Variants in FARS2 observed in about 807,000 individuals in gnomAD.
FARS2 encodes phenylalanine--tRNA ligase, mitochondrial.
FARS2 carries 40 observed loss-of-function variants against 46.4 expected under a neutral mutation model. The ratio of observed to expected loss-of-function variants is 0.86; its 90% confidence interval spans 0.67 to 1.12. FARS2 has a LOEUF of 1.12. Among genes scored for constraint, FARS2 ranks in the 50% most tolerant of loss-of-function variants. The pLI, the probability that FARS2 is intolerant of heterozygous loss-of-function variation, is 0.00. For missense variants in FARS2, 513 were observed against 567.9 expected (o/e 0.90, Z 0.98); for synonymous variants, 234 against 214.9 (o/e 1.09, Z -0.78).
Position 5,473,554 on chromosome 6 carries a change from A to AAC in FARS2, c.904+42383_904+42384insCA, listed in dbSNP as rs1372128463. ...AAAACAAAAAAAAAAACAAAAAAAA[A>AAC]AAACAAAAGAATACCCTGCTCCTGA... is the stretch of plus-strand genomic sequence containing the variant. On this transcript the variant is annotated intron_variant, in intron 4 of 6. Coordinates refer to ENST00000274680, the MANE Select transcript of FARS2 (RefSeq NM_006567.5). Among the ~76,000 whole-genome samples the AAC allele has an allele frequency of 4.7e-5, 7 of 150,194 alleles. 1 individual carries two copies. Among genetic ancestry groups the AAC allele is most frequent in the South Asian group, 4.3e-4 (2 of 4,698 alleles).
intron 2 of FARS2, among the ~76,000 whole-genome samples, chr6:5,400,256 A>G (rs1346954028): frequency 1.3e-5 from 2 of 151,836 alleles, no homozygotes; most frequent in Non-Finnish European, 2.9e-5. Flanking sequence ...TCATTTTCAT[A>G]TCTTTTTTTT....
intron 6 of FARS2, among the ~76,000 whole-genome samples, chr6:5,641,217 A>C (rs1414027361): frequency 2.0e-5 from 3 of 152,168 alleles, no homozygotes; most frequent in Non-Finnish European, 2.9e-5. Flanking sequence ...CAACTGATTC[A>C]GTTCACCAGG....
chr6:5,346,911 G>GTT (rs35923995), intron 1 of FARS2, among the ~76,000 whole-genome samples: 5 of 145,130 alleles, frequency 3.4e-5, no homozygotes, highest in African/African-American at 1.0e-4. Flanking sequence ...CATTCATTAG[G>GTT]TTTTTTTTTT....
At chr6:5,347,982 C>T (rs753918783) in intron 1 of FARS2, among the ~76,000 whole-genome samples, 3 of 152,118 alleles carry the variant, frequency 2.0e-5, no homozygotes, top group Non-Finnish European at 4.4e-5. Context: ...TGTATCTTCT[C>T]TGGTGAAGTG....
intron 4 of FARS2, among the ~76,000 whole-genome samples, chr6:5,523,537 C>T (rs980517508): frequency 6.6e-5 from 10 of 152,082 alleles, no homozygotes; most frequent in Non-Finnish European, 1.3e-4. Context: ...GTTGGGTCCC[C>T]GCTCAGGGTC....
chr6:5,401,962 G>GTAC (rs1761281395), intron 2 of FARS2, among the ~76,000 whole-genome samples: 1 of 151,670 alleles, frequency 6.6e-6, no homozygotes, highest in Non-Finnish European at 1.5e-5. Context: ...TTTTTCACAG[G>GTAC]TACCCATTTT....
intron 5 of FARS2, among the ~76,000 whole-genome samples, chr6:5,557,946 T>A (rs1246754337): frequency 6.6e-6 from 1 of 152,094 alleles, no homozygotes; most frequent in Non-Finnish European, 1.5e-5. Flanking sequence ...CTGACTTAAC[T>A]ATATTGGTCA....
chr6:5,478,141 C>G (rs1254450654), intron 4 of FARS2, among the ~76,000 whole-genome samples: 2 of 152,108 alleles, frequency 1.3e-5, no homozygotes, highest in Non-Finnish European at 2.9e-5. Flanking sequence ...TAACCTGGCA[C>G]ACGAAGACAC....
At chr6:5,463,658 G>A (rs189200258) in intron 4 of FARS2, among the ~76,000 whole-genome samples, 35 of 151,926 alleles carry the variant, frequency 2.3e-4, no homozygotes, top group African/African-American at 7.7e-4. Flanking sequence ...TCTTATGCCT[G>A]TGGCATAAAT....
At chr6:5,266,174 G>C (rs1015283084) in intron 1 of FARS2, among the ~76,000 whole-genome samples, 1 of 152,180 alleles carries the variant, frequency 6.6e-6, no homozygotes, top group Non-Finnish European at 1.5e-5. Flanking sequence ...CCCTGATTGA[G>C]GTCTAAGAAA....
At chr6:5,350,352 G>A (rs1197160843) in intron 1 of FARS2, among the ~76,000 whole-genome samples, 2 of 151,876 alleles carry the variant, frequency 1.3e-5, no homozygotes, top group African/African-American at 4.8e-5. Flanking sequence ...AGTTTTGTTT[G>A]GAAAGACATT....
chr6:5,493,778 C>T (rs761361485), intron 4 of FARS2, among the ~76,000 whole-genome samples: 16 of 152,216 alleles, frequency 1.1e-4, no homozygotes, highest in Non-Finnish European at 7.3e-5. Flanking sequence ...TGCTCACAAA[C>T]GTTTAACAAA....
chr6:5,302,286 T>C (rs888539104), intron 1 of FARS2, among the ~76,000 whole-genome samples: 1 of 152,194 alleles, frequency 6.6e-6, no homozygotes, highest in Non-Finnish European at 1.5e-5. Context: ...TAGGGCTTGG[T>C]GGGGACTGAG....
chr6:5,502,559 T>C (rs1395230163), intron 4 of FARS2, among the ~76,000 whole-genome samples: 2 of 152,252 alleles, frequency 1.3e-5, no homozygotes, highest in African/African-American at 2.4e-5. Context: ...ACAGTATCAC[T>C]GACCAGATTT....
At chr6:5,370,955 C>A (rs553135400) in intron 2 of FARS2, among the ~76,000 whole-genome samples, 1 of 152,172 alleles carries the variant, frequency 6.6e-6, no homozygotes, top group Non-Finnish European at 1.5e-5. Context: ...ATAAAAACCT[C>A]GCAAGGTAGA....
intron 1 of FARS2, among the ~76,000 whole-genome samples, chr6:5,337,011 G>A (rs1771205170): frequency 6.6e-6 from 1 of 150,504 alleles, no homozygotes; most frequent in Non-Finnish European, 1.5e-5. Context: ...TTTTTAAACA[G>A]GTAACAAAAC....
intron 5 of FARS2, among the ~76,000 whole-genome samples, chr6:5,587,405 A>T (rs1482838596): frequency 6.6e-6 from 1 of 152,234 alleles, no homozygotes; most frequent in Non-Finnish European, 1.5e-5. Flanking sequence ...GCTAATAGAC[A>T]TCTATACATG....
intron 5 of FARS2, among the ~76,000 whole-genome samples, chr6:5,581,118 T>C (rs1773303507): frequency 6.6e-6 from 1 of 152,214 alleles, no homozygotes; most frequent in Non-Finnish European, 1.5e-5. Context: ...CAAGAAGCCA[T>C]TTTCACAACT....
intron 4 of FARS2, among the ~76,000 whole-genome samples, chr6:5,493,261 A>G (rs1168437538): frequency 1.3e-5 from 2 of 151,696 alleles, no homozygotes; most frequent in Non-Finnish European, 2.9e-5. Flanking sequence ...ATATTGCACT[A>G]TGTTGCTCTC....
Sources: allele counts gnomAD v4.1 joint callset (sites outside exome capture counted in the v4.1 genomes callset), GRCh38; gene constraint gnomAD v4.1.1; transcripts MANE v1.5; gene names NCBI Gene and HGNC (gene_info 2026-07-23, HGNC 2026-07-21).